DCHS2: variants seen among roughly 807,000 people sequenced by gnomAD.
DCHS2 encodes protocadherin-23.
In DCHS2, 142 loss-of-function variants were observed where a neutral mutation model predicts 182.4. That is an observed-to-expected ratio of 0.78 (90% confidence interval 0.68 to 0.89). DCHS2 has a LOEUF of 0.89. Among genes scored for constraint, DCHS2 ranks in the 40% least tolerant of loss-of-function variants. The pLI is 0.00. For synonymous variants in DCHS2, 1,740 were observed against 1,663.3 expected (o/e 1.05, Z -1.12); for missense variants, 4,319 against 4,198.6 (o/e 1.03, Z -0.79).
At chr4:154,237,455 C>A in intron 19 of DCHS2, 1 of 231,012 alleles carries the variant, frequency 4.3e-6, no homozygotes, top group Non-Finnish European at 8.2e-6. Flanking sequence ...AGTTGTTCCA[C>A]TATTCTTAAA....
chr4:154,307,901 C>T (rs1735513001), intron 10 of DCHS2, among the ~76,000 whole-genome samples: 1 of 152,162 alleles, frequency 6.6e-6, no homozygotes, highest in African/African-American at 2.4e-5. Context: ...AGAACTCCCT[C>T]ACCCTCTGCA....
intron 1 of DCHS2, among the ~76,000 whole-genome samples, chr4:154,389,778 C>G (rs1053498573): frequency 1.3e-5 from 2 of 150,546 alleles, no homozygotes; most frequent in African/African-American, 4.9e-5. Context: ...ACAAATCAAA[C>G]AAAACAAAAA....
At position 154,234,825 on chromosome 4, in the gene DCHS2, A is replaced by C; in HGVS notation, c.9827T>G (p.Phe3276Cys). 1 of 1,614,092 alleles carries C rather than the reference A, an allele frequency of 6.2e-7. No homozygotes were observed. Among genetic ancestry groups the C allele is most frequent in the African/African-American group, 1.3e-5 (1 of 75,044 alleles). Residue 3276 changes from phenylalanine (F) to cysteine (C), a missense_variant, in exon 20 of 20, where the codon TTT (phenylalanine) becomes TGT (cysteine). Coordinates refer to ENST00000357232, the MANE Select transcript of DCHS2 (RefSeq NM_001358235.2). ...GIPKEKKSFV[F>C]PPPLITAVAQ... ...TACTGCTGTTATCAAAGGGGGTGGA[A>C]AAACAAAAGATTTCTTCTCTTTTGG...
intron 13 of DCHS2, among the ~76,000 whole-genome samples, chr4:154,276,843 T>G (rs140027856): frequency 2.4e-3 from 369 of 152,308 alleles, no homozygotes; most frequent in Non-Finnish European, 4.1e-3. Flanking sequence ...ATAGTCAGAT[T>G]GTAGACATTG....
chr4:154,235,258 C>T lies in DCHS2; in HGVS notation c.9394G>A (p.Asp3132Asn). The T allele has an allele frequency of 3.1e-6, 5 of 1,614,102 alleles. No homozygotes were observed. Among genetic ancestry groups the T allele is most frequent in the Non-Finnish European group, 4.2e-6 (5 of 1,179,986 alleles). ...TCTGAGTCCCTCGGGATACCCGAGT[C>T]TGGCACCCTGGACTCGTGGTCACTC... ...ALSDHESRVP[D>N]SGIPRDSDQL... is the part of the protein sequence containing the mutation. The change falls in exon 20 of 20, where the codon GAC becomes AAC. Residue 3132 changes from aspartate (D) to asparagine (N), a missense_variant. Physicochemically the swap from Asp to Asn is conservative, Grantham distance 23. Transcript: ENST00000357232.
At position 154,366,225 on chromosome 4, in the gene DCHS2, T is replaced by C. The variant is rs376565376; in HGVS notation, c.2461A>G (p.Ile821Val). Reference protein sequence around the residue: ...IPGNVSSLFTIDSTTGIIYLT... With the variant: ...IPGNVSSLFTVDSTTGIIYLT... ...GATCACATACCTGTGGTGGAGTCAA[T>C]GGTAAAAAGGGACGACACGTTTCCT... The change falls in exon 3 of 20, where the codon ATT becomes GTT. Residue 821 changes from isoleucine to valine, a missense_variant. Ile to Val is a conservative substitution (Grantham distance 29). Coordinates refer to ENST00000357232, the MANE Select transcript of DCHS2 (RefSeq NM_001358235.2). 31 of 1,613,084 alleles carry C rather than the reference T, an allele frequency of 1.9e-5. No homozygotes were observed. The highest frequency in any genetic ancestry group is 4.0e-5 in the African/African-American group (3 of 74,952).
chr4:154,256,990 G>A (rs1371455911), intron 15 of DCHS2, among the ~76,000 whole-genome samples: 1 of 152,070 alleles, frequency 6.6e-6, no homozygotes, highest in Non-Finnish European at 1.5e-5. Flanking sequence ...ACATTTAAAA[G>A]TGCTACAGAA....
At chr4:154,408,904 A>G (rs28423376) in intron 1 of DCHS2, among the ~76,000 whole-genome samples, 5,725 of 152,270 alleles carry the variant, frequency 0.038, 121 homozygotes, top group Non-Finnish European at 0.05. Context: ...AGGTTCTCAC[A>G]GAGGCTAAGC....
At chr4:154,329,386 G>A (rs1268854547) in intron 6 of DCHS2, 137 bp downstream of exon 6, 2 of 846,196 alleles carry the variant, frequency 2.4e-6, no homozygotes, top group Non-Finnish European at 3.7e-6. Context: ...CATGTGCACA[G>A]TATCTAGGTC....
chr4:154,341,116 C>A (rs751328690), intron 3 of DCHS2, among the ~76,000 whole-genome samples: 16 of 152,114 alleles, frequency 1.1e-4, no homozygotes, highest in Non-Finnish European at 2.1e-4. Context: ...CGCTTGTAAT[C>A]CCAGCACTCT....
chr4:154,433,676 G>A (rs1308733629), intron 1 of DCHS2, among the ~76,000 whole-genome samples: 3 of 152,126 alleles, frequency 2.0e-5, no homozygotes, highest in Non-Finnish European at 4.4e-5. Flanking sequence ...TTACAGGCAT[G>A]AATCACTGCG....
chr4:154,460,741 G>C (rs1438910037), intron 1 of DCHS2, among the ~76,000 whole-genome samples: 1 of 152,098 alleles, frequency 6.6e-6, no homozygotes, highest in African/African-American at 2.4e-5. Flanking sequence ...CATATAGTAA[G>C]AAGTCAATAA....
At chr4:154,476,630 T>C (rs1033192406) in intron 1 of DCHS2, among the ~76,000 whole-genome samples, 1 of 152,220 alleles carries the variant, frequency 6.6e-6, no homozygotes, top group Admixed American at 6.5e-5. Flanking sequence ...AATTTTACTT[T>C]TATTATGTGC....
intron 1 of DCHS2, among the ~76,000 whole-genome samples, chr4:154,439,076 G>T (rs1733891951): frequency 6.6e-6 from 1 of 152,244 alleles, no homozygotes; most frequent in South Asian, 2.1e-4. Context: ...CATAGATATG[G>T]CTATACCTGT....
chr4:154,433,692 C>T (rs531872321), intron 1 of DCHS2, among the ~76,000 whole-genome samples: 94 of 152,240 alleles, frequency 6.2e-4, no homozygotes, highest in African/African-American at 2.0e-3. Flanking sequence ...CTGCGCCAGG[C>T]CAGTACCCGT....
At chr4:154,315,158 G>A (rs887295428) in intron 10 of DCHS2, among the ~76,000 whole-genome samples, 31 of 152,262 alleles carry the variant, frequency 2.0e-4, no homozygotes, top group African/African-American at 7.5e-4. Context: ...CATTTATTGT[G>A]TCAGACACTG....
chr4:154,474,023 C>A (rs1438363530), intron 1 of DCHS2, among the ~76,000 whole-genome samples: 1 of 152,126 alleles, frequency 6.6e-6, no homozygotes, highest in African/African-American at 2.4e-5. Context: ...ATCAGCAGGG[C>A]CATGCTCCCT....
intron 3 of DCHS2, among the ~76,000 whole-genome samples, chr4:154,336,068 A>T (rs1225378123): frequency 6.6e-6 from 1 of 152,190 alleles, no homozygotes; most frequent in East Asian, 1.9e-4. Context: ...CCTGAACTAG[A>T]CCGTGTAGGG....
chr4:154,309,657 C>T (rs778033040), intron 10 of DCHS2, among the ~76,000 whole-genome samples: 2 of 152,168 alleles, frequency 1.3e-5, no homozygotes, highest in Non-Finnish European at 2.9e-5. Flanking sequence ...AATTGGGTCT[C>T]AGGTAACAGG....
Sources: allele counts gnomAD v4.1 joint callset (sites outside exome capture counted in the v4.1 genomes callset), GRCh38; gene constraint gnomAD v4.1.1; transcripts MANE v1.5; gene names NCBI Gene and HGNC (gene_info 2026-07-23, HGNC 2026-07-21).